Variants in CUL9 observed in about 807,000 individuals in gnomAD.
The protein encoded by CUL9 is cullin-9.
In CUL9, 79 loss-of-function variants were observed where a neutral mutation model predicts 272.6. That is an observed-to-expected ratio of 0.29 (90% CI 0.24 to 0.35). The LOEUF is 0.35. Ranked by LOEUF, CUL9 falls within the 10% of genes least tolerant of loss-of-function variation. The probability of loss-of-function intolerance (pLI) is 1.00; values close to 1 mark genes in which losing one functional copy is unlikely to be tolerated. For synonymous variants in CUL9, 1,186 were observed against 1,286.5 expected, an observed-to-expected ratio of 0.92 and a Z score of 1.67; for missense variants, 2,532 against 3,255.6, an observed-to-expected ratio of 0.78 and a Z score of 5.41.
chr6:43,204,144 C>T (rs774684316), intron 20 of CUL9, 157 bp downstream of exon 20: 5 of 1,088,166 alleles, frequency 4.6e-6, no homozygotes, highest in Non-Finnish European at 6.5e-6. Context: ...GGCACTGCTC[C>T]CTGAGACTCT....
chr6:43,183,994 G>A (rs1156638699), intron 1 of CUL9, among the ~76,000 whole-genome samples: 1 of 151,970 alleles, frequency 6.6e-6, no homozygotes, highest in East Asian at 1.9e-4. Flanking sequence ...CTCGTGATCT[G>A]CCCACCTTGG....
intron 16 of CUL9, 97 bp from the exon 17 acceptor site, chr6:43,202,619 G>A (rs529250772): frequency 1.0e-4 from 99 of 988,206 alleles, no homozygotes; most frequent in Non-Finnish European, 1.4e-4. Flanking sequence ...AGCCTCAAGC[G>A]ATCCTCCCAC....
rs191885281 is a variant in CUL9, at chr6:43,196,203, G to A, written c.2523G>A (p.Pro841=). 27 of 1,614,080 alleles carry A rather than the reference G, an allele frequency of 1.7e-5. No homozygotes were observed. Among genetic ancestry groups the A allele is most frequent in the Admixed American group, 1.5e-4 (9 of 60,012 alleles). The part of the protein sequence containing the change: ...IFASIDSATR[P]GSESLLLTVP... ...CCAGCATCGACTCAGCCACACGCCC[G>A]GGCTCTGAGAGCCTGCTCCTCACTG... Residue 841 remains proline, a synonymous_variant, in exon 10 of 41, where the codon CCG becomes CCA. Transcript: ENST00000252050.
chr6:43,215,383 C>T, intron 30 of CUL9, 57 bp downstream of exon 30: 1 of 1,532,548 alleles, frequency 6.5e-7, no homozygotes, highest in Non-Finnish European at 8.7e-7. Flanking sequence ...ATGCCAAAGC[C>T]AAGATCCCTT....
chr6:43,200,255 G>A lies in CUL9; in HGVS notation c.3384+99G>A. ...TCTTTGGTATCCCTGTTTGGCACAG[G>A]TTGTAGCAAATCTGGGGCACTTGTT... On this transcript the variant is annotated intron_variant, in intron 14 of 40. Coordinates refer to ENST00000252050, the MANE Select transcript of CUL9 (RefSeq NM_015089.4). This position sits in a 1 kb window ranked among gnomAD's most constrained non-coding sequence, Gnocchi z 4.0. 1 of 1,452,334 alleles carries A rather than the reference G, an allele frequency of 6.9e-7. No homozygotes were observed. The highest frequency in any genetic ancestry group is 2.4e-5 in the East Asian group (1 of 41,714). The allele number at this position is 1,452,334 out of a possible 1,614,324, so 90.0% of individuals were successfully genotyped here.
At chr6:43,208,108 C>T (rs373182711) in intron 26 of CUL9, among the ~76,000 whole-genome samples, 4 of 152,098 alleles carry the variant, frequency 2.6e-5, no homozygotes, top group South Asian at 2.1e-4. Flanking sequence ...TTTTCTGCAC[C>T]GTTCAGTATG....
chr6:43,200,901 C>T lies in CUL9; in HGVS notation c.3647+67C>T. On this transcript the variant is annotated intron_variant, in intron 16 of 40. Transcript: ENST00000252050. This position sits in a 1 kb window ranked among gnomAD's most constrained non-coding sequence, Gnocchi z 4.0. The stretch of plus-strand genomic sequence containing the variant: ...TACTTCCCCAAAGCACCCAGATACA[C>T]ACAACCCCAGCTATAACCCCAATGC... The T allele has an allele frequency of 6.3e-7, 1 of 1,591,402 alleles. No homozygotes were observed. The highest frequency in any genetic ancestry group is 8.6e-7 in the Non-Finnish European group (1 of 1,161,990).
At chr6:43,204,074 G>C (rs1774855299) in intron 20 of CUL9, 87 bp downstream of exon 20, 8 of 1,489,334 alleles carry the variant, frequency 5.4e-6, no homozygotes, top group Middle Eastern at 3.6e-4. Flanking sequence ...GGTTCTTTTG[G>C]TTCCTGTCTT....
chr6:43,209,465 C>T (rs995405261), intron 26 of CUL9, among the ~76,000 whole-genome samples: 1 of 151,020 alleles, frequency 6.6e-6, no homozygotes, highest in Non-Finnish European at 1.5e-5. Flanking sequence ...ATTTTTTCAA[C>T]TGACCCATAA....
intron 7 of CUL9, 27 bp from the exon 8 acceptor site, chr6:43,188,496 G>A (rs1157849822): frequency 1.3e-6 from 2 of 1,563,576 alleles, no homozygotes; most frequent in African/African-American, 2.7e-5. Flanking sequence ...AGTTCTTTTA[G>A]CCATTGCCTT....
chr6:43,198,317 A>C (rs1774194323), intron 11 of CUL9: 1 of 977,802 alleles, frequency 1.0e-6, no homozygotes, highest in Non-Finnish European at 1.2e-6. Context: ...GGATATAATC[A>C]TCATAGTTAA....
rs1774940736 is a variant in CUL9 at position 43,205,066 on chromosome 6, G to A, written c.4583G>A (p.Ser1528Asn). 13 of 1,608,586 alleles carry A rather than the reference G, an allele frequency of 8.1e-6. No individual in the cohort carries two copies. Among genetic ancestry groups the A allele is most frequent in the Non-Finnish European group, 1.0e-5 (12 of 1,177,596 alleles). ...GCAGCCTTCATGCTGGCTCTGCGCA[G>A]TGGCTTCTCTGGCGCCTTGCTGCAG... is the stretch of plus-strand genomic sequence containing the variant. The part of the protein sequence containing the change: ...PRAAFMLALR[S>N]GFSGALLQQS... The change falls in exon 23 of 41, where the codon AGT becomes AAT. Residue 1528 changes from serine to asparagine, a missense_variant. Coordinates refer to ENST00000252050, the MANE Select transcript of CUL9 (RefSeq NM_015089.4).
Position 43,203,681 on chromosome 6 carries a change from A to G in CUL9, c.4025+89A>G. On this transcript the variant is annotated intron_variant, in intron 19 of 40. Transcript: ENST00000252050. This position sits in a 1 kb window ranked among gnomAD's most constrained non-coding sequence, Gnocchi z 5.0. ...TGCTCCTGTGGGAGTCCGGAAGGGA[A>G]AGCTGCAGCCAGGACATGAGGGGGA... 2 of 1,527,676 alleles carry G rather than the reference A, an allele frequency of 1.3e-6. No homozygotes were observed. Among genetic ancestry groups the G allele is most frequent in the Non-Finnish European group, 1.8e-6 (2 of 1,130,904 alleles). 94.6% of individuals were successfully genotyped at this position (1,527,676 alleles called of 1,614,324 possible).
At chr6:43,195,885 C>G (rs1773950702) in intron 9 of CUL9, among the ~76,000 whole-genome samples, 184 bp from the exon 10 acceptor site, 1 of 151,976 alleles carries the variant, frequency 6.6e-6, no homozygotes, top group Non-Finnish European at 1.5e-5. Context: ...TTTCCTTCCT[C>G]CCTCCCTCCT....
Position 43,199,756 on chromosome 6 carries a change from T to A in CUL9, c.3157-173T>A, listed in dbSNP as rs1774352332. Among the ~76,000 whole-genome samples, 1 of 152,046 alleles carries A rather than the reference T, an allele frequency of 6.6e-6. No individual in the cohort carries two copies. The highest frequency in any genetic ancestry group is 2.4e-5 in the African/African-American group (1 of 41,408). ...TCTGTTCTGCCAACTCACTCTGGAG[T>A]CCCAGCACTCCTCTATTTTACTCCA... On this transcript the variant is annotated intron_variant, in intron 13 of 40. Transcript: ENST00000252050. This position sits in a 1 kb window ranked among gnomAD's most constrained non-coding sequence, Gnocchi z 4.4.
Position 43,200,778 on chromosome 6 carries a change from C to A in CUL9, c.3591C>A (p.Asn1197Lys). The A allele has an allele frequency of 6.2e-7, 1 of 1,614,218 alleles. No homozygotes were observed. The highest frequency in any genetic ancestry group is 8.5e-7 in the Non-Finnish European group (1 of 1,180,042). ...DHNPKTYWES[N>K]GSTGSHYITL... Reference sequence around the variant, plus strand: ...ACCCCAAGACCTACTGGGAGTCCAACGGCAGCACCGGCTCCCACTACATCA... The same window carrying A: ...ACCCCAAGACCTACTGGGAGTCCAAAGGCAGCACCGGCTCCCACTACATCA... The change falls in exon 16 of 41, where the codon AAC (asparagine) becomes AAA (lysine). Residue 1197 changes from asparagine to lysine, a missense_variant. Physicochemically the swap from Asn to Lys is moderately conservative, Grantham distance 94. Around this residue, in one of 3 missense-constraint regions of CUL9, gnomAD observed 2,218 missense variants for 2,788.6 expected, o/e 0.80. Transcript: ENST00000252050. The surrounding 1 kb of genome is among the most constrained non-coding windows in gnomAD (Gnocchi z 4.0).
intron 4 of CUL9, 78 bp downstream of exon 4, chr6:43,186,533 T>G: frequency 2.0e-6 from 3 of 1,511,682 alleles, no homozygotes; most frequent in Non-Finnish European, 2.7e-6. Context: ...TAAGGAGGAC[T>G]CCTGCAGGCC....
At position 43,223,915 on chromosome 6, in the gene CUL9, G is replaced by A. The variant is rs913273523; in HGVS notation, c.7285-180G>A. 2.3e-5 allele frequency: 15 copies of A among 653,570 alleles called. No homozygotes were observed. Among genetic ancestry groups the A allele is most frequent in the South Asian group, 1.4e-4 (8 of 58,604 alleles). The allele number at this position is 653,570 out of a possible 1,614,324, so 40.5% of individuals were successfully genotyped here. On this transcript the variant is annotated intron_variant, in intron 39 of 40. Coordinates refer to ENST00000252050, the MANE Select transcript of CUL9 (RefSeq NM_015089.4). This position sits in a 1 kb window ranked among gnomAD's most constrained non-coding sequence, Gnocchi z 4.1. ...GGTCGTGTGCCTCACCTGGTACCCCGTATCCCTGGAGACCATCTGTGGGTG... is the reference window on the plus strand; with the variant it reads ...GGTCGTGTGCCTCACCTGGTACCCCATATCCCTGGAGACCATCTGTGGGTG...
Position 43,200,184 on chromosome 6 carries a change from G to A in CUL9, c.3384+28G>A. The A allele has an allele frequency of 6.3e-7, 1 of 1,594,176 alleles. No individual in the cohort carries two copies. Among genetic ancestry groups the A allele is most frequent in the Non-Finnish European group, 8.6e-7 (1 of 1,163,906 alleles). The stretch of plus-strand genomic sequence containing the variant: ...GAGGAGCGGCTGTGGGTATGCAGCT[G>A]AGAGAATGCAAGTCAGAAGCAGGAG... On this transcript the variant is annotated intron_variant, in intron 14 of 40. Coordinates refer to ENST00000252050, the MANE Select transcript of CUL9 (RefSeq NM_015089.4). The surrounding 1 kb of genome is among the most constrained non-coding windows in gnomAD (Gnocchi z 4.0).
Sources: allele counts gnomAD v4.1 joint callset (sites outside exome capture counted in the v4.1 genomes callset), GRCh38; gene constraint gnomAD v4.1.1; regional missense constraint gnomAD v4.1.1; non-coding constraint Gnocchi (gnomAD v3.1); transcripts MANE v1.5; gene names NCBI Gene and HGNC (gene_info 2026-07-23, HGNC 2026-07-21).